Variants in EXOC4 observed in about 807,000 individuals in gnomAD.
EXOC4 encodes exocyst complex component 4.
EXOC4 carries 71 observed loss-of-function variants against 107.2 expected under a neutral mutation model. The observed-to-expected ratio is 0.66, with a 90% confidence interval of 0.55 to 0.81. The LOEUF (loss-of-function observed/expected upper bound fraction) is 0.81, where lower values mean the gene tolerates loss of function less well. Among genes scored for constraint, EXOC4 ranks in the 30% least tolerant of loss-of-function variants. The pLI is 0.00. For missense variants in EXOC4, 1,108 were observed against 1,189.6 expected (o/e 0.93, Z 1.01); for synonymous variants, 456 against 441.2 (o/e 1.03, Z -0.42).
chr7:133,953,789 G>A (rs1386467629), intron 14 of EXOC4, among the ~76,000 whole-genome samples: 2 of 152,166 alleles, frequency 1.3e-5, no homozygotes, highest in Admixed American at 1.3e-4. Context: ...TTGGCTATAT[G>A]CCCCCCAATA....
At chr7:133,717,566 G>A (rs1319110597) in intron 10 of EXOC4, among the ~76,000 whole-genome samples, 1 of 152,134 alleles carries the variant, frequency 6.6e-6, no homozygotes, top group African/African-American at 2.4e-5. Context: ...CTTGTGCCAA[G>A]ACAGTATCTT....
intron 10 of EXOC4, among the ~76,000 whole-genome samples, chr7:133,637,722 G>A (rs556504813): frequency 6.6e-6 from 1 of 152,250 alleles, no homozygotes; most frequent in East Asian, 1.9e-4. Context: ...TTCAAACCCT[G>A]TATTTGAGTA....
At chr7:133,487,812 CTT>C (rs994102679) in intron 9 of EXOC4, among the ~76,000 whole-genome samples, 3 of 152,078 alleles carry the variant, frequency 2.0e-5, no homozygotes, top group Non-Finnish European at 4.4e-5. Context: ...TAAAAGTTAA[CTT>C]ATATCTCATA....
chr7:134,029,121 C>T (rs1795210003), intron 17 of EXOC4, among the ~76,000 whole-genome samples: 1 of 152,234 alleles, frequency 6.6e-6, no homozygotes, highest in Non-Finnish European at 1.5e-5. Flanking sequence ...CCTTCTTATG[C>T]AGAGGGATGA....
intron 10 of EXOC4, among the ~76,000 whole-genome samples, chr7:133,637,544 A>G (rs551671020): frequency 1.3e-5 from 2 of 152,278 alleles, no homozygotes; most frequent in East Asian, 3.9e-4. Flanking sequence ...ATAATGTTGT[A>G]GATCACATAT....
chr7:133,363,508 C>T (rs999763725), intron 6 of EXOC4, among the ~76,000 whole-genome samples: 1 of 151,292 alleles, frequency 6.6e-6, no homozygotes, highest in Admixed American at 6.6e-5. Flanking sequence ...TGTGTATTGT[C>T]CTTTGGTTAT....
rs146087869 is a variant in EXOC4 at position 133,402,712 on chromosome 7, C to T, written c.1182+27710C>T. On this transcript the variant is annotated intron_variant, in intron 7 of 17. Transcript: ENST00000253861. ...AGAGATGGGGTTTCACCTTGTTGGC[C>T]AGGCTGTTCTTGAACTCGTGACCTC... Among the ~76,000 whole-genome samples the T allele has an allele frequency of 5.0e-4, 76 of 152,020 alleles. 1 individual carries two copies. In the East Asian group the frequency reaches 0.012, roughly 24 times the overall value.
chr7:133,420,216 T>C (rs957928106), intron 7 of EXOC4, among the ~76,000 whole-genome samples: 13 of 143,212 alleles, frequency 9.1e-5, no homozygotes, highest in African/African-American at 2.8e-4. Context: ...TGAGAATATG[T>C]GGTGTTTGGT....
chr7:133,784,170 T>G (rs1449689213), intron 10 of EXOC4, among the ~76,000 whole-genome samples: 1 of 152,192 alleles, frequency 6.6e-6, no homozygotes, highest in Non-Finnish European at 1.5e-5. Flanking sequence ...GCTCATATTT[T>G]TTTTTCTTTA....
chr7:133,945,246 G>A (rs755996853), intron 14 of EXOC4, among the ~76,000 whole-genome samples: 1 of 152,190 alleles, frequency 6.6e-6, no homozygotes, highest in Non-Finnish European at 1.5e-5. Flanking sequence ...AGAAATGCCT[G>A]TGCTTTTTAA....
intron 10 of EXOC4, among the ~76,000 whole-genome samples, chr7:133,678,513 C>T (rs1794114586): frequency 2.0e-5 from 3 of 152,036 alleles, no homozygotes; most frequent in Admixed American, 2.0e-4. Flanking sequence ...AATTTAGTCA[C>T]ATACCTGGTT....
chr7:133,898,092 A>G (rs558730402), intron 12 of EXOC4, among the ~76,000 whole-genome samples: 96 of 149,898 alleles, frequency 6.4e-4, no homozygotes, highest in Middle Eastern at 3.4e-3. Flanking sequence ...GAGTCCCCAT[A>G]TAAGTGAAAT....
chr7:133,997,712 A>G lies in EXOC4; in HGVS notation c.2348+79A>G. 4.7e-6 allele frequency: 7 copies of G among 1,484,218 alleles called. No homozygotes were observed. In the East Asian group the frequency reaches 1.5e-4, roughly 31 times the overall value. 91.9% of individuals were successfully genotyped at this position (1,484,218 alleles called of 1,614,324 possible). ...AATCACTTGCTTATTTCCAGGCAGT[A>G]TCACCATAATTTCTGGCTCATATTA... On this transcript the variant is annotated intron_variant, in intron 15 of 17. Coordinates refer to ENST00000253861, the MANE Select transcript of EXOC4 (RefSeq NM_021807.4).
At chr7:133,944,186 T>A (rs546666610) in intron 14 of EXOC4, among the ~76,000 whole-genome samples, 79 of 152,304 alleles carry the variant, frequency 5.2e-4, no homozygotes, top group South Asian at 1.0e-3. Context: ...TTCCCTGATC[T>A]TCTTTTTCTG....
chr7:133,898,403 A>G (rs1242719365), intron 12 of EXOC4, among the ~76,000 whole-genome samples: 1 of 152,122 alleles, frequency 6.6e-6, no homozygotes, highest in Admixed American at 6.6e-5. Flanking sequence ...CCAAAGTGGT[A>G]GTACCAACGT....
chr7:133,622,799 G>T (rs958680973), intron 9 of EXOC4, among the ~76,000 whole-genome samples: 19 of 152,090 alleles, frequency 1.2e-4, no homozygotes, highest in African/African-American at 4.3e-4. Flanking sequence ...GACTTTTCCT[G>T]CACTACTGTG....
intron 15 of EXOC4, among the ~76,000 whole-genome samples, chr7:134,000,713 A>G (rs1285304032): frequency 1.3e-5 from 2 of 152,170 alleles, no homozygotes; most frequent in Non-Finnish European, 2.9e-5. Context: ...GTAAAAAAAG[A>G]ATTAGAACGT....
intron 14 of EXOC4, among the ~76,000 whole-genome samples, chr7:133,981,491 GA>G (rs549011750): frequency 1.3e-3 from 196 of 151,378 alleles, no homozygotes; most frequent in African/African-American, 4.5e-3. Flanking sequence ...CAGGCAACAA[GA>G]AAAAAAAGCT....
At chr7:133,684,113 C>A (rs528481203) in intron 10 of EXOC4, among the ~76,000 whole-genome samples, 2 of 152,106 alleles carry the variant, frequency 1.3e-5, no homozygotes, top group South Asian at 2.1e-4. Flanking sequence ...TCTACTTTAA[C>A]GAACTATAAC....
Sources: allele counts gnomAD v4.1 joint callset (sites outside exome capture counted in the v4.1 genomes callset), GRCh38; gene constraint gnomAD v4.1.1; transcripts MANE v1.5; gene names NCBI Gene and HGNC (gene_info 2026-07-23, HGNC 2026-07-21).